Variants in NBAS observed in about 807,000 individuals in gnomAD.
NBAS encodes the protein NAG/BC035112 fusion.
Under a neutral mutation model 302.5 loss-of-function variants are expected in NBAS, and 219 were observed. The ratio of observed to expected loss-of-function variants is 0.72; its 90% CI spans 0.65 to 0.81. NBAS has a LOEUF of 0.81. Among genes scored for constraint, NBAS ranks in the 30% least tolerant of loss-of-function variants. The pLI, the probability that NBAS is intolerant of heterozygous loss-of-function variation, is 0.00. For synonymous variants in NBAS, 1,118 were observed against 1,021.6 expected (o/e 1.09, Z -1.80); for missense variants, 2,932 against 2,841.6 (o/e 1.03, Z -0.72).
the NBAS span, among the ~76,000 whole-genome samples, chr2:14,853,926 G>A: frequency 9.3e-6 from 1 of 107,800 alleles, no homozygotes. Context: ...CTGTGGTGGG[G>A]TGGGGGGAGG....
In NBAS at chr2:15,443,887, A is replaced by T. The variant is rs1037012115; in HGVS notation, c.2340-16093T>A. Among the ~76,000 whole-genome samples, 174 of 151,978 alleles carry T rather than the reference A, an allele frequency of 1.1e-3. 3 individuals are homozygous for T. Among genetic ancestry groups the T allele is most frequent in the African/African-American group, 3.7e-3 (151 of 41,298 alleles). ...GACAAACAGAGAGCCAAAGCATGAG[A>T]GAACTCCCATTCACAATTGCTTCAA... is the stretch of plus-strand genomic sequence containing the variant. On this transcript the variant is annotated intron_variant, in intron 21 of 51. Coordinates refer to ENST00000281513, the MANE Select transcript of NBAS (RefSeq NM_015909.4).
At chr2:15,142,536 G>A in the NBAS span, among the ~76,000 whole-genome samples, 3 of 152,206 alleles carry the variant, frequency 2.0e-5, no homozygotes, top group South Asian at 2.1e-4. Context: ...TTGAGGGAAC[G>A]CTCCCCTTGT....
At chr2:15,166,819 G>C (rs1055036230), downstream of NBAS, 21 of 478,990 alleles carry the variant, frequency 4.4e-5, no homozygotes, top group Admixed American at 2.7e-4. Context: ...AATAAAAAAG[G>C]AGGGTGGGAA....
At chr2:15,116,431 G>C in the NBAS span, among the ~76,000 whole-genome samples, 38 of 148,868 alleles carry the variant, frequency 2.6e-4, no homozygotes, top group East Asian at 6.8e-3. Context: ...GAGAGAGAGA[G>C]AGTAATAGAG....
At chr2:15,294,278 G>A (rs535874377) in intron 40 of NBAS, among the ~76,000 whole-genome samples, 18 of 152,228 alleles carry the variant, frequency 1.2e-4, no homozygotes, top group African/African-American at 2.9e-4. Context: ...CAGTAATAAC[G>A]AGGGCAGCAA....
chr2:14,971,948 C>A, the NBAS span, among the ~76,000 whole-genome samples: 1 of 152,114 alleles, frequency 6.6e-6, no homozygotes, highest in Non-Finnish European at 1.5e-5. Flanking sequence ...ACTATAGTCA[C>A]CAGTACATAA....
intron 38 of NBAS, among the ~76,000 whole-genome samples, chr2:15,320,183 G>A (rs910794678): frequency 3.9e-5 from 6 of 152,068 alleles, no homozygotes; most frequent in South Asian, 2.1e-4. Context: ...AAAGGCCTTC[G>A]ACAAAATTCA....
At chr2:14,880,472 A>G in the NBAS span, among the ~76,000 whole-genome samples, 3 of 152,242 alleles carry the variant, frequency 2.0e-5, no homozygotes, top group South Asian at 2.1e-4. Flanking sequence ...TAGAAATTCA[A>G]AATGGAATAA....
chr2:14,816,684 C>G, the NBAS span, among the ~76,000 whole-genome samples: 1 of 152,172 alleles, frequency 6.6e-6, no homozygotes, highest in Non-Finnish European at 1.5e-5. Context: ...GAGCATAAGC[C>G]ACATCAGAAC....
At chr2:15,058,349 C>T in the NBAS span, among the ~76,000 whole-genome samples, 1 of 152,068 alleles carries the variant, frequency 6.6e-6, no homozygotes, top group Non-Finnish European at 1.5e-5. Flanking sequence ...CAGGACAGCC[C>T]CCACAACAAA....
the NBAS span, among the ~76,000 whole-genome samples, chr2:14,860,834 G>A: frequency 1.3e-5 from 2 of 152,122 alleles, no homozygotes; most frequent in African/African-American, 4.8e-5. Flanking sequence ...AGCTCGAAGA[G>A]AGTAATTCAA....
chr2:15,035,945 C>G, the NBAS span, among the ~76,000 whole-genome samples: 1 of 152,162 alleles, frequency 6.6e-6, no homozygotes, highest in Admixed American at 6.5e-5. Context: ...CAGCAAACCA[C>G]CATGGCACAC....
chr2:15,067,786 C>A, the NBAS span, among the ~76,000 whole-genome samples: 2,146 of 152,142 alleles, frequency 0.014, 31 homozygotes, highest in South Asian at 0.023. Context: ...CTGTGTTATG[C>A]AATCACAAAT....
At chr2:15,458,801 A>C (rs1679370282) in intron 21 of NBAS, among the ~76,000 whole-genome samples, 1 of 152,234 alleles carries the variant, frequency 6.6e-6, no homozygotes, top group Non-Finnish European at 1.5e-5. Flanking sequence ...ATACAAAAAA[A>C]CAGTGTGAAA....
intron 35 of NBAS, among the ~76,000 whole-genome samples, chr2:15,341,433 A>G (rs1404270484): frequency 7.0e-6 from 1 of 143,056 alleles, no homozygotes; most frequent in Non-Finnish European, 1.6e-5. Flanking sequence ...AATAAAGTAA[A>G]AGAAAACTGT....
intron 10 of NBAS, among the ~76,000 whole-genome samples, chr2:15,510,826 C>T (rs908140046): frequency 4.6e-5 from 7 of 152,062 alleles, no homozygotes; most frequent in African/African-American, 1.7e-4. Context: ...CAGACTCGGG[C>T]CAGTAACAAT....
the NBAS span, among the ~76,000 whole-genome samples, chr2:14,784,466 C>G: frequency 6.6e-6 from 1 of 152,142 alleles, no homozygotes; most frequent in Non-Finnish European, 1.5e-5. Flanking sequence ...ACGTTTAAGT[C>G]TTTAATCCAT....
At chr2:15,273,877 C>G (rs1669445376) in intron 44 of NBAS, among the ~76,000 whole-genome samples, 1 of 151,688 alleles carries the variant, frequency 6.6e-6, no homozygotes. Flanking sequence ...AGATCGAGAC[C>G]ATCCTGGCTA....
At chr2:15,285,683 C>T (rs1220476749) in intron 42 of NBAS, among the ~76,000 whole-genome samples, 1 of 152,094 alleles carries the variant, frequency 6.6e-6, no homozygotes. Flanking sequence ...GACAGAGTCT[C>T]GCTCTGTTGC....
Sources: gnomAD v4.1 joint callset for allele counts (sites outside exome capture counted in the v4.1 genomes callset) on GRCh38, gnomAD v4.1.1 for gene constraint, MANE v1.5 for transcripts, NCBI Gene and HGNC (gene_info 2026-07-23, HGNC 2026-07-21) for gene names.